The following PRKAR2A variants were observed in gnomAD, a reference collection of about 807,000 sequenced individuals.
PRKAR2A encodes the protein protein kinase cAMP-dependent type II regulatory subunit alpha.
PRKAR2A carries 29 observed loss-of-function variants against 51.9 expected under a neutral mutation model. That is an observed-to-expected ratio of 0.56 (90% CI 0.42 to 0.76). The LOEUF (loss-of-function observed/expected upper bound fraction) is 0.76. Among genes scored for constraint, PRKAR2A ranks in the 30% least tolerant of loss-of-function variants. The pLI is 0.00. For synonymous variants in PRKAR2A, 178 were observed against 186.2 expected, an observed-to-expected ratio of 0.96 and a Z score of 0.36; for missense variants, 445 against 512.1, an observed-to-expected ratio of 0.87 and a Z score of 1.26.
At chr3:48,782,755 C>T (rs1446803092) in intron 5 of PRKAR2A, among the ~76,000 whole-genome samples, 1 of 152,170 alleles carries the variant, frequency 6.6e-6, no homozygotes, top group Non-Finnish European at 1.5e-5. Flanking sequence ...TGCGCCTGGC[C>T]TAAAGGAGAC....
At chr3:48,766,310 G>A (rs528809406) in intron 6 of PRKAR2A, among the ~76,000 whole-genome samples, 1 of 152,232 alleles carries the variant, frequency 6.6e-6, no homozygotes, top group African/African-American at 2.4e-5. Context: ...GCTCACACCT[G>A]TAATCCCAGC....
chr3:48,800,232 G>C (rs2082564739), intron 2 of PRKAR2A, among the ~76,000 whole-genome samples: 2 of 151,442 alleles, frequency 1.3e-5, no homozygotes, highest in Admixed American at 1.3e-4. Flanking sequence ...TAATTTGGGA[G>C]GGCTGGGCAC....
At chr3:48,773,456 G>A (rs763744515) in intron 5 of PRKAR2A, among the ~76,000 whole-genome samples, 1 of 147,218 alleles carries the variant, frequency 6.8e-6, no homozygotes, top group Non-Finnish European at 1.5e-5. Flanking sequence ...CCATTCTCCT[G>A]CCTCAGCCTC....
At chr3:48,830,429 C>T (rs2083169943) in intron 1 of PRKAR2A, among the ~76,000 whole-genome samples, 1 of 152,072 alleles carries the variant, frequency 6.6e-6, no homozygotes, top group Non-Finnish European at 1.5e-5. Flanking sequence ...GAAGGACCTG[C>T]CTGAGGCTGT....
chr3:48,844,837 T>G (rs2083436764), intron 1 of PRKAR2A, among the ~76,000 whole-genome samples: 1 of 103,310 alleles, frequency 9.7e-6, no homozygotes, highest in Non-Finnish European at 1.9e-5. Flanking sequence ...GGGACTGTTG[T>G]GGGGTGGGGG....
intron 1 of PRKAR2A, among the ~76,000 whole-genome samples, chr3:48,842,161 T>C (rs2107468868): frequency 6.6e-6 from 1 of 152,322 alleles, no homozygotes; most frequent in East Asian, 1.9e-4. Flanking sequence ...AGGTATTTTA[T>C]TCTCTTTGAA....
At chr3:48,753,528 T>C (rs1347899032) in intron 9 of PRKAR2A, among the ~76,000 whole-genome samples, 1 of 152,186 alleles carries the variant, frequency 6.6e-6, no homozygotes, top group Non-Finnish European at 1.5e-5. Flanking sequence ...GTTGGTCTGT[T>C]TCATCTGAGC....
At chr3:48,791,688 C>T (rs2082390912) in intron 3 of PRKAR2A, among the ~76,000 whole-genome samples, 4 of 148,496 alleles carry the variant, frequency 2.7e-5, no homozygotes, top group South Asian at 2.1e-4. Context: ...GGGTGGATCA[C>T]GAGGTCAGGA....
Position 48,751,414 on chromosome 3 carries a change from G to T in PRKAR2A, c.*171C>A. 1 of 928,166 alleles carries T rather than the reference G, an allele frequency of 1.1e-6. No homozygotes were observed. Among genetic ancestry groups the T allele is most frequent in the Non-Finnish European group, 1.7e-6 (1 of 589,582 alleles). 57.5% of individuals were successfully genotyped at this position (928,166 alleles called of 1,614,324 possible). A position where few individuals can be genotyped will look rare whatever the true frequency, so the allele number is the denominator to read the frequency against. On this transcript the variant is annotated 3_prime_UTR_variant, in exon 11 of 11. Coordinates refer to ENST00000265563, the MANE Select transcript of PRKAR2A (RefSeq NM_004157.4). ...AAGTGGAGGTGTGGGTTGAACCTCT[G>T]CCCATCCTTTAGTGCTGACTTTCAA... is the stretch of plus-strand genomic sequence containing the variant.
chr3:48,804,480 T>C (rs904097298), intron 2 of PRKAR2A, among the ~76,000 whole-genome samples: 1 of 151,922 alleles, frequency 6.6e-6, no homozygotes, highest in Non-Finnish European at 1.5e-5. Context: ...ATTAAAAATT[T>C]AAAAACAGGG....
At chr3:48,807,453 C>T (rs1304043809) in intron 2 of PRKAR2A, among the ~76,000 whole-genome samples, 196 bp downstream of exon 2, 2 of 151,924 alleles carry the variant, frequency 1.3e-5, no homozygotes, top group Non-Finnish European at 2.9e-5. Flanking sequence ...ACAAACTGTA[C>T]CAATTATAGT....
At chr3:48,839,921 T>C (rs991526685) in intron 1 of PRKAR2A, among the ~76,000 whole-genome samples, 1 of 152,190 alleles carries the variant, frequency 6.6e-6, no homozygotes, top group African/African-American at 2.4e-5. Context: ...CAATTCAGTG[T>C]CATTAAGTAC....
At chr3:48,763,336 T>C (rs2107225462) in intron 8 of PRKAR2A, among the ~76,000 whole-genome samples, 1 of 152,102 alleles carries the variant, frequency 6.6e-6, no homozygotes, top group East Asian at 1.9e-4. Context: ...TCTTAATTAA[T>C]GTCCATTCTG....
At chr3:48,769,315 G>A (rs1429185604) in intron 6 of PRKAR2A, among the ~76,000 whole-genome samples, 7 of 151,322 alleles carry the variant, frequency 4.6e-5, no homozygotes, top group African/African-American at 1.5e-4. Context: ...CTGCCACCGC[G>A]CCCGGCTAAT....
At chr3:48,839,627 C>T (rs1353030226) in intron 1 of PRKAR2A, among the ~76,000 whole-genome samples, 1 of 152,070 alleles carries the variant, frequency 6.6e-6, no homozygotes, top group Non-Finnish European at 1.5e-5. Context: ...AAAATAACAG[C>T]TAGTAAGTTT....
Position 48,847,697 on chromosome 3 carries a change from C to A in PRKAR2A, c.-101G>T, listed in dbSNP as rs1435149469. 1.7e-6 allele frequency: 2 copies of A among 1,187,158 alleles called. No homozygotes were observed. The highest frequency in any genetic ancestry group is 2.2e-6 in the Non-Finnish European group (2 of 902,934). 73.5% of individuals were successfully genotyped at this position (1,187,158 alleles called of 1,614,324 possible). On this transcript the variant is annotated 5_prime_UTR_variant, in exon 1 of 11. Coordinates refer to ENST00000265563, the MANE Select transcript of PRKAR2A (RefSeq NM_004157.4). This position sits in a 1 kb window ranked among gnomAD's most constrained non-coding sequence, Gnocchi z 4.4. ...TCGCTCCGCGCCCGCGAGGTCTCTT[C>A]GCGCACGGCCCCGGCTCACGTCGCG...
intron 1 of PRKAR2A, among the ~76,000 whole-genome samples, chr3:48,830,729 T>C (rs546701551): frequency 1.5e-4 from 23 of 152,170 alleles, no homozygotes; most frequent in Non-Finnish European, 3.2e-4. Context: ...GAAATAATTA[T>C]ACAACTCACC....
chr3:48,824,941 G>A (rs960913896), intron 1 of PRKAR2A, among the ~76,000 whole-genome samples: 26 of 149,216 alleles, frequency 1.7e-4, no homozygotes, highest in Non-Finnish European at 3.3e-4. Flanking sequence ...GTGAAATTCC[G>A]TCTCAAAAAA....
chr3:48,754,996 C>CTT (rs1279558575), intron 9 of PRKAR2A, among the ~76,000 whole-genome samples: 60 of 125,768 alleles, frequency 4.8e-4, no homozygotes, highest in African/African-American at 1.0e-3. Flanking sequence ...TACTTATTAA[C>CTT]TTTTTTTTTT....
Sources: allele counts gnomAD v4.1 joint callset (sites outside exome capture counted in the v4.1 genomes callset), GRCh38; gene constraint gnomAD v4.1.1; non-coding constraint Gnocchi (gnomAD v3.1); transcripts MANE v1.5; gene names NCBI Gene and HGNC (gene_info 2026-07-23, HGNC 2026-07-21).